The following SLC35F4 variants were observed in gnomAD, a reference collection of about 807,000 sequenced individuals.
SLC35F4 encodes chromosome 14 open reading frame 36.
A neutral mutation model predicts 44.2 loss-of-function variants in SLC35F4; 24 were observed. The observed-to-expected ratio is 0.54, with a 90% confidence interval of 0.39 to 0.76. The LOEUF (loss-of-function observed/expected upper bound fraction) is 0.76, where lower values mean the gene tolerates loss of function less well. SLC35F4 is among the 30% of genes least tolerant of loss of function. The pLI is 0.00. For missense variants in SLC35F4, 562 were observed against 586.1 expected, an observed-to-expected ratio of 0.96 and a Z score of 0.42; for synonymous variants, 238 against 223.6, an observed-to-expected ratio of 1.06 and a Z score of -0.57.
chr14:57,959,058 C>T (rs1335341034), intron 1 of SLC35F4, among the ~76,000 whole-genome samples: 1 of 152,078 alleles, frequency 6.6e-6, no homozygotes, highest in East Asian at 1.9e-4. Context: ...ATAGGAAGGA[C>T]AAGGAGAGAG....
Position 57,981,519 on chromosome 14 carries a change from A to T in SLC35F4, n.151+394T>A, listed in dbSNP as rs527263251. 2.9e-4 allele frequency among the ~76,000 whole-genome samples: 44 copies of T among 152,244 alleles called. No homozygotes were observed. In the South Asian group the frequency reaches 6.6e-3, roughly 23 times the overall value. ...GCCATGTAATTTGAATATTTTTTTT[A>T]AAATGACTTCATTCTCATCTCAAAA... On this transcript the variant is annotated intron_variant and non_coding_transcript_variant, in intron 1 of 1. Transcript: ENST00000554648.
intron 4 of SLC35F4, chr14:57,578,943 A>G (rs1357036455): frequency 2.0e-5 from 3 of 152,284 alleles, no homozygotes; most frequent in Admixed American, 1.3e-4. Flanking sequence ...GAAGTTCAAA[A>G]TACAGCTGGG....
At chr14:57,674,777 C>T (rs1002320530) in intron 1 of SLC35F4, among the ~76,000 whole-genome samples, 1 of 152,054 alleles carries the variant, frequency 6.6e-6, no homozygotes, top group Non-Finnish European at 1.5e-5. Flanking sequence ...TCAGCATTTT[C>T]TTGAGCTGAT....
At chr14:57,637,985 T>C (rs2073079183) in intron 1 of SLC35F4, among the ~76,000 whole-genome samples, 1 of 152,114 alleles carries the variant, frequency 6.6e-6, no homozygotes, top group African/African-American at 2.4e-5. Flanking sequence ...ATGCACTCTT[T>C]GTGATAATAA....
At chr14:57,583,710 C>A (rs1019480706) in intron 3 of SLC35F4, among the ~76,000 whole-genome samples, 1 of 152,152 alleles carries the variant, frequency 6.6e-6, no homozygotes, top group African/African-American at 2.4e-5. Context: ...TCACTGCCGA[C>A]CTTCTCCCCT....
chr14:57,644,833 A>G (rs1221643508), intron 1 of SLC35F4, among the ~76,000 whole-genome samples: 2 of 152,162 alleles, frequency 1.3e-5, no homozygotes, highest in African/African-American at 4.8e-5. Context: ...TCAGCTTACT[A>G]CATGTGGCTA....
chr14:57,911,888 C>T (rs957338647), intron 1 of SLC35F4, among the ~76,000 whole-genome samples: 1 of 151,896 alleles, frequency 6.6e-6, no homozygotes, highest in African/African-American at 2.4e-5. Context: ...GTAGAGTTTA[C>T]TAGTGAACAC....
chr14:57,599,582 C>T (rs1223815717), intron 1 of SLC35F4, among the ~76,000 whole-genome samples: 1 of 152,102 alleles, frequency 6.6e-6, no homozygotes, highest in Non-Finnish European at 1.5e-5. Context: ...TGGCTCACGA[C>T]TGTAATCCCA....
chr14:57,765,055 G>A (rs986291865), intron 1 of SLC35F4, among the ~76,000 whole-genome samples: 1 of 152,096 alleles, frequency 6.6e-6, no homozygotes, highest in African/African-American at 2.4e-5. Context: ...TGATCTAGGC[G>A]CTGCTAACAG....
At chr14:57,608,806 G>T (rs1354864229) in intron 1 of SLC35F4, among the ~76,000 whole-genome samples, 2 of 125,702 alleles carry the variant, frequency 1.6e-5, no homozygotes, top group Non-Finnish European at 3.3e-5. Context: ...GCGGCGGGGG[G>T]AGAGAAACAG....
chr14:57,748,270 A>G (rs895739888), intron 1 of SLC35F4, among the ~76,000 whole-genome samples: 11 of 152,292 alleles, frequency 7.2e-5, no homozygotes, highest in Middle Eastern at 3.4e-3. Flanking sequence ...GACTGCTTCC[A>G]TGGTATATTG....
intron 1 of SLC35F4, among the ~76,000 whole-genome samples, chr14:57,937,240 G>C (rs1358331925): frequency 6.6e-6 from 1 of 151,934 alleles, no homozygotes; most frequent in African/African-American, 2.4e-5. Context: ...GCTAATTTTT[G>C]TATTTTTACC....
At chr14:57,866,496 G>A (rs1172702781), upstream of SLC35F4, among the ~76,000 whole-genome samples, 1 of 152,076 alleles carries the variant, frequency 6.6e-6, no homozygotes, top group African/African-American at 2.4e-5. Context: ...CTTTTTTTAT[G>A]AAATGACAAG....
intron 3 of SLC35F4, 127 bp from the exon 4 acceptor site, chr14:57,581,560 A>G (rs553083295): frequency 4.6e-5 from 38 of 832,736 alleles, no homozygotes; most frequent in Non-Finnish European, 6.3e-5. Context: ...TGTGAAGTAT[A>G]CTGAACCCAG....
chr14:57,790,450 T>C (rs1207465050), intron 1 of SLC35F4, among the ~76,000 whole-genome samples: 2 of 152,178 alleles, frequency 1.3e-5, no homozygotes, highest in East Asian at 1.9e-4. Context: ...ACCTCTTCAA[T>C]GAAAACTACA....
chr14:57,881,486 T>A (rs1348647848), intron 1 of SLC35F4, among the ~76,000 whole-genome samples: 3 of 152,200 alleles, frequency 2.0e-5, no homozygotes, highest in African/African-American at 7.2e-5. Flanking sequence ...GCCTCTTATA[T>A]GTAAATGATT....
At chr14:57,592,761 T>C (rs2070270540) in intron 2 of SLC35F4, among the ~76,000 whole-genome samples, 1 of 152,206 alleles carries the variant, frequency 6.6e-6, no homozygotes, top group South Asian at 2.1e-4. Flanking sequence ...TCTCTTCCTC[T>C]GTTTACCCTT....
intron 1 of SLC35F4, among the ~76,000 whole-genome samples, chr14:57,627,031 T>G (rs548791174): frequency 3.2e-4 from 48 of 152,244 alleles, no homozygotes; most frequent in Middle Eastern, 3.4e-3. Context: ...TCTTTCCTGG[T>G]CTATAGTAAC....
At chr14:57,566,833 C>T (rs1013041300) in intron 6 of SLC35F4, among the ~76,000 whole-genome samples, 4 of 152,174 alleles carry the variant, frequency 2.6e-5, no homozygotes, top group Non-Finnish European at 5.9e-5. Context: ...ATAATTGATT[C>T]ACAGGACTGT....
Sources: gnomAD v4.1 joint callset for allele counts (sites outside exome capture counted in the v4.1 genomes callset) on GRCh38, gnomAD v4.1.1 for gene constraint, MANE v1.5 for transcripts, NCBI Gene and HGNC (gene_info 2026-07-23, HGNC 2026-07-21) for gene names.